DNAH1: variants seen among roughly 807,000 people sequenced by gnomAD.
The protein encoded by DNAH1 is axonemal beta dynein heavy chain 1.
A neutral mutation model predicts 484.3 loss-of-function variants in DNAH1; 327 were observed. The observed-to-expected ratio is 0.68, with a 90% CI of 0.62 to 0.74. DNAH1 has a LOEUF of 0.74. Among genes scored for constraint, DNAH1 ranks in the 30% least tolerant of loss-of-function variants. The probability of loss-of-function intolerance (pLI) is 0.00; values close to 1 mark genes in which losing one functional copy is unlikely to be tolerated. For synonymous variants in DNAH1, 2,192 were observed against 2,191.9 expected (o/e 1.00, Z 0.00); for missense variants, 5,052 against 5,546.8 (o/e 0.91, Z 2.83).
rs377675488 is a variant in DNAH1 at position 52,346,379 on chromosome 3, G to GC, written c.1657-89dup. On this transcript the variant is annotated intron_variant, in intron 10 of 77. Coordinates refer to ENST00000420323, the MANE Select transcript of DNAH1 (RefSeq NM_015512.5). ...TCCACAGTCAGATGAGCCCTGAGCC[G>GC]CCCCAAGCACCCTGGTGCATAGAGT... 4.1e-4 allele frequency: 557 copies of GC among 1,359,554 alleles called. 1 individual carries two copies. The African/African-American group carries it at 5.1e-3, about 12-fold the overall frequency. 84.2% of individuals were successfully genotyped at this position (1,359,554 alleles called of 1,614,324 possible).
chr3:52,368,868 GACA>G lies in DNAH1; in HGVS notation c.5898_5900del (p.Asn1966del), dbSNP rs1703197457. 12 of 1,613,916 alleles carry G rather than the reference GACA, an allele frequency of 7.4e-6. No individual in the cohort carries two copies. Among genetic ancestry groups the G allele is most frequent in the African/African-American group, 1.3e-5 (1 of 74,930 alleles). On this transcript the variant is annotated inframe_deletion, in exon 37 of 78. Transcript: ENST00000420323. This position sits in a 1 kb window ranked among gnomAD's most constrained non-coding sequence, Gnocchi z 4.4. ...TGAGAACATGAACACGGTGCTGGATGACAACAAGAAGCTGTGCCTCAGCTCTGG... is the reference window on the plus strand; with the variant it reads ...TGAGAACATGAACACGGTGCTGGATGACAAGAAGCTGTGCCTCAGCTCTGG...
chr3:52,317,004 A>G (rs768410263), intron 1 of DNAH1, among the ~76,000 whole-genome samples: 8 of 152,204 alleles, frequency 5.3e-5, no homozygotes, highest in Non-Finnish European at 1.0e-4. Flanking sequence ...GTACATGGAC[A>G]TCTGTGACCT....
At position 52,323,801 on chromosome 3, in the gene DNAH1, G is replaced by T; in HGVS notation, c.334-7G>T. 6.3e-7 allele frequency: 1 copy of T among 1,587,916 alleles called. No homozygotes were observed. Among genetic ancestry groups the T allele is most frequent in the Non-Finnish European group, 8.6e-7 (1 of 1,166,874 alleles). On this transcript the variant is annotated splice_region_variant and splice_polypyrimidine_tract_variant and intron_variant, in intron 2 of 77. Transcript: ENST00000420323. ...CACATACTCAGGGCTCCATGGTTTG[G>T]TTTCAGGAGGTATGTCGTGGCCCCC...
rs1232063709 is a variant in DNAH1, at chr3:52,368,859, G to A, written c.5884G>A (p.Val1962Met). The A allele has an allele frequency of 1.9e-6, 3 of 1,614,032 alleles. No homozygotes were observed. Among genetic ancestry groups the A allele is most frequent in the Admixed American group, 3.3e-5 (2 of 60,028 alleles). The change falls in exon 37 of 78, where the codon GTG becomes ATG. Residue 1962 changes from valine to methionine, a missense_variant. Val to Met is a conservative substitution (Grantham distance 21, BLOSUM62 1). Coordinates refer to ENST00000420323, the MANE Select transcript of DNAH1 (RefSeq NM_015512.5). The surrounding 1 kb of genome is among the most constrained non-coding windows in gnomAD (Gnocchi z 4.4). ...DAIWIENMNT[V>M]LDDNKKLCLS... ...CATCTGGATTGAGAACATGAACACG[G>A]TGCTGGATGACAACAAGAAGCTGTG...
At chr3:52,340,490 A>C (rs931758870) in intron 8 of DNAH1, among the ~76,000 whole-genome samples, 1 of 151,708 alleles carries the variant, frequency 6.6e-6, no homozygotes, top group Non-Finnish European at 1.5e-5. Context: ...TCTGGAGAGC[A>C]GTGGTGTGAT....
intron 46 of DNAH1, among the ~76,000 whole-genome samples, chr3:52,376,835 G>A (rs1023190987): frequency 2.7e-5 from 4 of 150,322 alleles, no homozygotes; most frequent in Non-Finnish European, 1.5e-5. Flanking sequence ...CACCCTCTGA[G>A]AGTTCTTGTC....
intron 61 of DNAH1, 61 bp from the exon 62 acceptor site, chr3:52,391,118 C>A: frequency 6.2e-7 from 1 of 1,607,846 alleles, no homozygotes; most frequent in Non-Finnish European, 8.5e-7. Context: ...CAGTGGTGAG[C>A]CGCAGAGCCT....
In DNAH1 at chr3:52,348,946, A is replaced by C. The variant is rs1702255775; in HGVS notation, c.2165A>C (p.His722Pro). Reference protein sequence around the residue: ...GDPLLESVGLHEPLVEELRAT... With the variant: ...GDPLLESVGLPEPLVEELRAT... The stretch of plus-strand genomic sequence containing the variant: ...CCCCTGCTGGAGTCCGTGGGCCTTC[A>C]TGAGCCACTGGTGGAAGAGCTACGG... The change falls in exon 13 of 78, where the codon CAT (histidine) becomes CCT (proline). Residue 722 changes from histidine (H) to proline (P), a missense_variant. Around this residue, in one of 4 missense-constraint regions of DNAH1, gnomAD observed 1,263 missense variants for 1,218.8 expected, o/e 1.04. Transcript: ENST00000420323. 1 of 1,613,388 alleles carries C rather than the reference A, an allele frequency of 6.2e-7. No individual in the cohort carries two copies. Among genetic ancestry groups the C allele is most frequent in the African/African-American group, 1.3e-5 (1 of 74,906 alleles).
intron 52 of DNAH1, 55 bp downstream of exon 52, chr3:52,384,086 T>G (rs891358774): frequency 3.4e-6 from 5 of 1,487,450 alleles, no homozygotes; most frequent in African/African-American, 1.4e-5. Flanking sequence ...GCTTGGGGCA[T>G]GGGCTCAGGG....
At chr3:52,375,156 T>G (rs1485958507) in intron 44 of DNAH1, 84 bp from the exon 45 acceptor site, 1 of 1,435,230 alleles carries the variant, frequency 7.0e-7, no homozygotes, top group East Asian at 2.5e-5. Flanking sequence ...AGTATAATTT[T>G]GAATTTTTGT....
At chr3:52,339,887 T>C (rs1263429577) in intron 8 of DNAH1, among the ~76,000 whole-genome samples, 1 of 151,968 alleles carries the variant, frequency 6.6e-6, no homozygotes. Context: ...CCTCTTATCT[T>C]GCAGAACTCA....
At position 52,375,972 on chromosome 3, in the gene DNAH1, A is replaced by G. The variant is rs761279081; in HGVS notation, c.7177A>G (p.Lys2393Glu). Residue 2393 changes from lysine to glutamate, a missense_variant, in exon 46 of 78, where the codon AAA becomes GAA. Physicochemically the swap from Lys to Glu is moderately conservative, Grantham distance 56 (BLOSUM62 1). Transcript: ENST00000420323. ...GNWLDGLLGE[K>E]SYRERVPGAP... ...TCCTCTAGATGGACTCCTTGGAGAA[A>G]AAAGCTACCGGGAGCGTGTGCGTAA... The G allele has an allele frequency of 1.2e-6, 2 of 1,612,396 alleles. No homozygotes were observed. Among genetic ancestry groups the G allele is most frequent in the Admixed American group, 1.7e-5 (1 of 59,522 alleles).
intron 8 of DNAH1, among the ~76,000 whole-genome samples, chr3:52,341,703 G>A (rs943007396): frequency 2.0e-5 from 3 of 152,118 alleles, no homozygotes; most frequent in Admixed American, 1.3e-4. Flanking sequence ...GTTGGGGCAA[G>A]CTCCACCACG....
chr3:52,364,819 G>C lies in DNAH1; in HGVS notation c.5332-14G>C. On this transcript the variant is annotated splice_polypyrimidine_tract_variant and intron_variant, in intron 33 of 77. Coordinates refer to ENST00000420323, the MANE Select transcript of DNAH1 (RefSeq NM_015512.5). This position sits in a 1 kb window ranked among gnomAD's most constrained non-coding sequence, Gnocchi z 4.2. ...GGCCCACTGCCCTGAAGGCTCAGCCGGCACCTGCTGCAGGAGCTGATCTGC... is the reference window on the plus strand; with the variant it reads ...GGCCCACTGCCCTGAAGGCTCAGCCCGCACCTGCTGCAGGAGCTGATCTGC... 3.7e-6 allele frequency: 6 copies of C among 1,610,956 alleles called. No individual in the cohort carries two copies. Among genetic ancestry groups the C allele is most frequent in the Non-Finnish European group, 5.1e-6 (6 of 1,177,664 alleles).
chr3:52,347,268 C>G (rs1702182531), intron 11 of DNAH1, among the ~76,000 whole-genome samples: 1 of 151,782 alleles, frequency 6.6e-6, no homozygotes, highest in Admixed American at 6.6e-5. Flanking sequence ...GCAGAGGCAC[C>G]GAGGGGAGGA....
rs1246678058 is a variant in DNAH1 at position 52,340,442 on chromosome 3, A to ATTTATG, written c.1287-4043_1287-4042insGTTTAT. Among the ~76,000 whole-genome samples, 12 of 130,010 alleles carry ATTTATG rather than the reference A, an allele frequency of 9.2e-5. No individual in the cohort carries two copies. In the East Asian group the frequency reaches 2.3e-3, roughly 25 times the overall value. The allele number at this position is 130,010 out of a possible 152,430, so 85.3% of individuals were successfully genotyped here. The stretch of plus-strand genomic sequence containing the variant: ...TTTATTTATTTATTTATTTATTTAT[A>ATTTATG]TTTATTTTTTGAGATGAAGTCTTGC... On this transcript the variant is annotated intron_variant, in intron 8 of 77. Coordinates refer to ENST00000420323, the MANE Select transcript of DNAH1 (RefSeq NM_015512.5).
At chr3:52,352,977 G>T in intron 18 of DNAH1, 126 bp from the exon 19 acceptor site, 1 of 1,065,760 alleles carries the variant, frequency 9.4e-7, no homozygotes, top group Non-Finnish European at 1.3e-6. Flanking sequence ...GGTGTTTGGG[G>T]GCACGGTCAG....
intron 2 of DNAH1, among the ~76,000 whole-genome samples, chr3:52,323,306 C>T (rs575082555): frequency 3.6e-4 from 53 of 149,294 alleles, no homozygotes; most frequent in African/African-American, 1.2e-3. Context: ...GGGGAGAGAT[C>T]GAGGGAGGAG....
upstream of DNAH1, among the ~76,000 whole-genome samples, chr3:52,312,137 C>T (rs1297920256): frequency 3.3e-5 from 5 of 152,202 alleles, no homozygotes; most frequent in African/African-American, 1.2e-4. Flanking sequence ...AGCTGCCAAG[C>T]CAGCTCTGCC....
Sources: gnomAD v4.1 joint callset for allele counts (sites outside exome capture counted in the v4.1 genomes callset) on GRCh38, gnomAD v4.1.1 for gene constraint, gnomAD v4.1.1 regional missense constraint, Gnocchi (gnomAD v3.1) non-coding constraint, MANE v1.5 for transcripts, NCBI Gene and HGNC (gene_info 2026-07-23, HGNC 2026-07-21) for gene names.